Variants in RABL3 observed in about 807,000 individuals in gnomAD.
RABL3 encodes rab-like protein 3.
A neutral mutation model predicts 31.8 loss-of-function variants in RABL3; 31 were observed. That is an observed-to-expected ratio of 0.97 (90% CI 0.73 to 1.31). The LOEUF (loss-of-function observed/expected upper bound fraction) is 1.31, where lower values mean the gene tolerates loss of function less well. Among genes scored for constraint, RABL3 ranks in the 40% most tolerant of loss-of-function variants. The pLI, the probability that RABL3 is intolerant of heterozygous loss-of-function variation, is 0.00. For synonymous variants in RABL3, 97 were observed against 99.9 expected, an observed-to-expected ratio of 0.97 and a Z score of 0.18; for missense variants, 263 against 279.6, an observed-to-expected ratio of 0.94 and a Z score of 0.42.
At chr3:120,733,382 T>C (rs1298895061) in intron 1 of RABL3, among the ~76,000 whole-genome samples, 5 of 152,130 alleles carry the variant, frequency 3.3e-5, no homozygotes, top group Admixed American at 1.3e-4. Context: ...TGTCTGTTTA[T>C]GTCCTTCGCC....
At chr3:120,701,143 C>T (rs1297340163) in intron 4 of RABL3, among the ~76,000 whole-genome samples, 4 of 151,996 alleles carry the variant, frequency 2.6e-5, no homozygotes, top group African/African-American at 4.8e-5. Flanking sequence ...AGGAGGTATA[C>T]GATATATATT....
At chr3:120,728,096 G>C (rs558320279) in intron 2 of RABL3, among the ~76,000 whole-genome samples, 50 of 152,268 alleles carry the variant, frequency 3.3e-4, no homozygotes, top group African/African-American at 1.2e-3. Context: ...AGACAAGTGG[G>C]AAAGAAAACC....
At chr3:120,721,785 C>A (rs1163459051) in intron 2 of RABL3, among the ~76,000 whole-genome samples, 4 of 152,156 alleles carry the variant, frequency 2.6e-5, no homozygotes, top group African/African-American at 9.7e-5. Context: ...AGAAAGTTAA[C>A]AAGGATATCC....
chr3:120,710,320 A>G (rs1284260591), intron 2 of RABL3: 1 of 153,726 alleles, frequency 6.5e-6, no homozygotes, highest in African/African-American at 2.4e-5. Context: ...AGATGAATGG[A>G]TTCTTTCTAA....
intron 3 of RABL3, among the ~76,000 whole-genome samples, chr3:120,706,338 G>A (rs1163534350): frequency 3.3e-5 from 5 of 151,764 alleles, no homozygotes; most frequent in African/African-American, 1.2e-4. Flanking sequence ...ATTTTACAAG[G>A]GCTGACGAAA....
chr3:120,700,019 A>G (rs1708477318), intron 4 of RABL3, among the ~76,000 whole-genome samples: 1 of 152,198 alleles, frequency 6.6e-6, no homozygotes. Flanking sequence ...TACATCTCTC[A>G]TATAGTCTTG....
chr3:120,714,134 A>C (rs555505570), intron 2 of RABL3, among the ~76,000 whole-genome samples: 10 of 152,340 alleles, frequency 6.6e-5, no homozygotes, highest in Non-Finnish European at 1.3e-4. Flanking sequence ...TTTAAAATGC[A>C]GAAACATATT....
chr3:120,721,590 C>A (rs1350062580), intron 2 of RABL3, among the ~76,000 whole-genome samples: 1 of 152,156 alleles, frequency 6.6e-6, no homozygotes, highest in Non-Finnish European at 1.5e-5. Flanking sequence ...AAGGCCATTA[C>A]ATAATGGTAA....
intron 3 of RABL3, among the ~76,000 whole-genome samples, chr3:120,707,857 G>C (rs1708568729): frequency 6.6e-6 from 1 of 152,066 alleles, no homozygotes; most frequent in South Asian, 2.1e-4. Flanking sequence ...TTTGGGCTGA[G>C]AGTTATTGCT....
intron 1 of RABL3, among the ~76,000 whole-genome samples, chr3:120,737,134 C>A (rs1198902249): frequency 2.0e-5 from 3 of 152,182 alleles, no homozygotes; most frequent in Admixed American, 2.0e-4. Flanking sequence ...CAACTTGGTT[C>A]CATTCTCCCT....
intron 2 of RABL3, among the ~76,000 whole-genome samples, chr3:120,724,168 G>A (rs1708786433): frequency 6.6e-6 from 1 of 151,912 alleles, no homozygotes; most frequent in South Asian, 2.1e-4. Context: ...GACAAAAAGA[G>A]AGCCAAATCA....
At chr3:120,704,560 T>C (rs1029969061) in intron 4 of RABL3, among the ~76,000 whole-genome samples, 2 of 152,138 alleles carry the variant, frequency 1.3e-5, no homozygotes, top group African/African-American at 4.8e-5. Flanking sequence ...CTTTTGGAAG[T>C]TGCTGCCAGT....
At chr3:120,741,772 T>C (rs1247953349) in intron 1 of RABL3, among the ~76,000 whole-genome samples, 1 of 152,224 alleles carries the variant, frequency 6.6e-6, no homozygotes. Context: ...AATTTCTCTA[T>C]TGTACAGTCT....
At chr3:120,713,577 ATACT>A (rs1221670552) in intron 2 of RABL3, among the ~76,000 whole-genome samples, 2 of 152,026 alleles carry the variant, frequency 1.3e-5, no homozygotes, top group Non-Finnish European at 2.9e-5. Context: ...CAAGGATCTG[ATACT>A]TAAAGTCATT....
At chr3:120,728,490 T>C (rs946942540) in intron 2 of RABL3, among the ~76,000 whole-genome samples, 4 of 152,092 alleles carry the variant, frequency 2.6e-5, no homozygotes, top group Non-Finnish European at 5.9e-5. Flanking sequence ...AAGGGAAAAT[T>C]TGTCCAGAAC....
At chr3:120,697,903 C>A (rs914062218) in intron 5 of RABL3, among the ~76,000 whole-genome samples, 2 of 152,168 alleles carry the variant, frequency 1.3e-5, no homozygotes, top group Non-Finnish European at 2.9e-5. Flanking sequence ...CAGTGGCTCG[C>A]GCCTGTAATC....
At chr3:120,711,377 G>A (rs545682592) in intron 2 of RABL3, among the ~76,000 whole-genome samples, 1 of 152,008 alleles carries the variant, frequency 6.6e-6, no homozygotes, top group East Asian at 1.9e-4. Context: ...TCAAAAATCT[G>A]TTCATTTCTC....
At chr3:120,742,563 G>A, upstream of RABL3, 5 of 1,574,390 alleles carry the variant, frequency 3.2e-6, no homozygotes, top group Non-Finnish European at 4.4e-6. Context: ...GCCAATCAGA[G>A]TTGGGCATGG....
At chr3:120,692,024 G>A (rs1708385230) in intron 6 of RABL3, among the ~76,000 whole-genome samples, 1 of 152,192 alleles carries the variant, frequency 6.6e-6, no homozygotes, top group South Asian at 2.1e-4. Context: ...AGGTAGAAAA[G>A]TTGGTTTATC....
Sources: gnomAD v4.1 joint callset for allele counts (sites outside exome capture counted in the v4.1 genomes callset) on GRCh38, gnomAD v4.1.1 for gene constraint, MANE v1.5 for transcripts, NCBI Gene and HGNC (gene_info 2026-07-23, HGNC 2026-07-21) for gene names.